The following FBXL20 variants were observed in gnomAD, a reference collection of about 807,000 sequenced individuals.
FBXL20 encodes F-box/LRR-repeat protein 20.
A neutral mutation model predicts 64.0 loss-of-function variants in FBXL20; 11 were observed. The observed-to-expected ratio is 0.17, with a 90% CI of 0.11 to 0.28. The LOEUF (loss-of-function observed/expected upper bound fraction) is 0.28. Ranked by LOEUF, FBXL20 falls within the 10% of genes least tolerant of loss-of-function variation. The pLI, the probability that FBXL20 is intolerant of heterozygous loss-of-function variation, is 1.00. For synonymous variants in FBXL20, 184 were observed against 189.0 expected, an observed-to-expected ratio of 0.97 and a Z score of 0.22; for missense variants, 303 against 526.2, an observed-to-expected ratio of 0.58 and a Z score of 4.15.
At chr17:39,393,288 A>T (rs1463556056) in intron 1 of FBXL20, among the ~76,000 whole-genome samples, 1 of 151,828 alleles carries the variant, frequency 6.6e-6, no homozygotes, top group Non-Finnish European at 1.5e-5. Context: ...AAACTGTCTC[A>T]GGAAAAAAAA....
At chr17:39,276,404 C>T (rs1406294256) in intron 9 of FBXL20, among the ~76,000 whole-genome samples, 1 of 151,552 alleles carries the variant, frequency 6.6e-6, no homozygotes, top group Non-Finnish European at 1.5e-5. Context: ...GGCATGGTGG[C>T]TCAAGCCTGT....
chr17:39,351,560 T>C (rs576850002), intron 1 of FBXL20, among the ~76,000 whole-genome samples: 1 of 152,316 alleles, frequency 6.6e-6, no homozygotes, highest in East Asian at 1.9e-4. Flanking sequence ...CAAAACAATT[T>C]AGATCAAGGC....
intron 6 of FBXL20, among the ~76,000 whole-genome samples, chr17:39,292,942 G>C (rs995176152): frequency 4.6e-5 from 7 of 151,802 alleles, no homozygotes; most frequent in Non-Finnish European, 1.0e-4. Context: ...ACAGGCACCC[G>C]CCATCATGCC....
rs141238967 is a variant in FBXL20, at chr17:39,275,591, A to G, written c.697-491T>C. 4.1e-3 allele frequency among the ~76,000 whole-genome samples: 619 copies of G among 149,936 alleles called. 6 individuals are homozygous for G. The highest frequency in any genetic ancestry group is 0.014 in the African/African-American group (592 of 40,834). On this transcript the variant is annotated intron_variant, in intron 9 of 14. Transcript: ENST00000264658. ...CATGTCCGGCAATTTTTTTTTTTGT[A>G]TTTTTAGTAGAGATGGGGTTTTTGG... is the stretch of plus-strand genomic sequence containing the variant.
chr17:39,392,438 C>CA (rs67507209), intron 1 of FBXL20, among the ~76,000 whole-genome samples: 3,834 of 103,806 alleles, frequency 0.037, 115 homozygotes, highest in Non-Finnish European at 0.056. Flanking sequence ...AGATTGTCTC[C>CA]AAAAAAAAAA....
chr17:39,361,752 G>A (rs760693154), intron 1 of FBXL20, among the ~76,000 whole-genome samples: 4 of 152,022 alleles, frequency 2.6e-5, no homozygotes, highest in East Asian at 1.9e-4. Flanking sequence ...AGCCGAGATC[G>A]CACCACTGCA....
At chr17:39,402,157 T>A, upstream of FBXL20, 1 of 1,233,032 alleles carries the variant, frequency 8.1e-7, no homozygotes, top group South Asian at 4.1e-5. Flanking sequence ...CCCAGCTCCC[T>A]TCCCCTGTCA....
chr17:39,390,831 G>A (rs1262878280), intron 1 of FBXL20, among the ~76,000 whole-genome samples: 1 of 152,048 alleles, frequency 6.6e-6, no homozygotes, highest in Non-Finnish European at 1.5e-5. Flanking sequence ...GGTGGATCAC[G>A]AGGTAAGGAG....
At chr17:39,331,787 G>A (rs2047463848) in intron 2 of FBXL20, among the ~76,000 whole-genome samples, 1 of 152,206 alleles carries the variant, frequency 6.6e-6, no homozygotes, top group South Asian at 2.1e-4. Context: ...TCTCCTAAAT[G>A]ACTAAATCTG....
rs2046728679 is a variant in FBXL20 at position 39,259,796 on chromosome 17, C to T, written c.*1664G>A. On this transcript the variant is annotated 3_prime_UTR_variant, in exon 15 of 15. Transcript: ENST00000264658. ...GTCAGGAGTTCAAGACCAGGCTGGC[C>T]AACATGTGAAACCCCATCTCTACTA... The T allele has an allele frequency of 6.6e-6, 1 of 151,784 alleles. No individual in the cohort carries two copies. Among genetic ancestry groups the T allele is most frequent in the Admixed American group, 6.6e-5 (1 of 15,200 alleles). 9.4% of individuals were successfully genotyped at this position (151,784 alleles called of 1,614,324 possible).
rs780294172 is a variant in FBXL20, at chr17:39,282,759, G to A, written c.591C>T (p.Leu197=). 76 of 1,613,984 alleles carry A rather than the reference G, an allele frequency of 4.7e-5. No homozygotes were observed. The highest frequency in any genetic ancestry group is 6.3e-5 in the Non-Finnish European group (74 of 1,180,026). ...TGCAGCCTTTTAAGAATAAGGCCTT[G>A]AGACCCCCACAGCCCCTCACTAGTG... ...IQALVRGCGG[L]KALFLKGCTQ... Residue 197 remains leucine, a synonymous_variant, in exon 8 of 15, where the codon CTC becomes CTT. Transcript: ENST00000264658.
intron 2 of FBXL20, among the ~76,000 whole-genome samples, chr17:39,318,172 A>G (rs1358929935): frequency 2.0e-5 from 3 of 152,220 alleles, no homozygotes; most frequent in Non-Finnish European, 4.4e-5. Context: ...GAGTTTCATT[A>G]TACCATGTTG....
intron 2 of FBXL20, among the ~76,000 whole-genome samples, chr17:39,320,883 G>A (rs1445416354): frequency 1.3e-5 from 2 of 151,968 alleles, no homozygotes; most frequent in Non-Finnish European, 2.9e-5. Context: ...AGCCGTGCTC[G>A]GCCCAGTATG....
At chr17:39,351,339 C>CAAAAA (rs375439559) in intron 1 of FBXL20, among the ~76,000 whole-genome samples, 2 of 95,726 alleles carry the variant, frequency 2.1e-5, no homozygotes, top group African/African-American at 3.5e-5. Flanking sequence ...TCTGTCTCAC[C>CAAAAA]AAAAAAAAAA....
intron 2 of FBXL20, among the ~76,000 whole-genome samples, chr17:39,323,630 G>A (rs1313143559): frequency 6.6e-6 from 1 of 152,038 alleles, no homozygotes; most frequent in African/African-American, 2.4e-5. Flanking sequence ...AATTGTCAAG[G>A]CCTTACTATT....
chr17:39,315,850 A>AGAGAGAGAGAGG, intron 2 of FBXL20, among the ~76,000 whole-genome samples: 1 of 150,646 alleles, frequency 6.6e-6, no homozygotes, highest in Non-Finnish European at 1.5e-5. Context: ...AGAGAGAGAG[A>AGAGAGAGAGAGG]GAGAGAGAGA....
At chr17:39,339,671 G>C (rs77441120) in intron 2 of FBXL20, among the ~76,000 whole-genome samples, 2 of 144,780 alleles carry the variant, frequency 1.4e-5, no homozygotes, top group Non-Finnish European at 3.0e-5. Context: ...TTTTTTTTTT[G>C]AGTCTTGCTC....
chr17:39,309,697 CAGG>C (rs1188576615), intron 2 of FBXL20, among the ~76,000 whole-genome samples: 6 of 148,922 alleles, frequency 4.0e-5, no homozygotes, highest in South Asian at 2.1e-4. Flanking sequence ...GCTACTTGCA[CAGG>C]AGATTTGTTT....
intron 1 of FBXL20, among the ~76,000 whole-genome samples, chr17:39,363,878 CAT>C (rs1373283644): frequency 8.5e-6 from 1 of 118,304 alleles, no homozygotes; most frequent in Non-Finnish European, 1.7e-5. Flanking sequence ...CCCAATGAAT[CAT>C]ATCTTTTTTT....
Sources: allele counts gnomAD v4.1 joint callset (sites outside exome capture counted in the v4.1 genomes callset), GRCh38; gene constraint gnomAD v4.1.1; transcripts MANE v1.5; gene names NCBI Gene and HGNC (gene_info 2026-07-23, HGNC 2026-07-21).